Variants in DIAPH3 observed in about 807,000 individuals in gnomAD.
DIAPH3 encodes diaphanous related formin 3, also known as protein diaphanous homolog 3.
DIAPH3 carries 117 observed loss-of-function variants against 144.3 expected under a neutral mutation model. The observed-to-expected ratio is 0.81, with a 90% confidence interval of 0.70 to 0.95. The LOEUF (loss-of-function observed/expected upper bound fraction) is 0.95. Ranked by LOEUF, DIAPH3 falls within the 40% of genes least tolerant of loss-of-function variation. The pLI, the probability that DIAPH3 is intolerant of heterozygous loss-of-function variation, is 0.00. For missense variants in DIAPH3, 1,421 were observed against 1,412.7 expected (o/e 1.01, Z -0.09); for synonymous variants, 519 against 488.9 (o/e 1.06, Z -0.81).
At position 59,949,016 on chromosome 13, in the gene DIAPH3, A is replaced by G. The variant is rs536712833; in HGVS notation, c.2074+20928T>C. 2.0e-5 allele frequency among the ~76,000 whole-genome samples: 3 copies of G among 152,292 alleles called. No individual in the cohort carries two copies. In the East Asian group the frequency reaches 5.8e-4, roughly 29 times the overall value. On this transcript the variant is annotated intron_variant, in intron 17 of 27. Transcript: ENST00000400324. ...AGAAAAGTGCCACAATAAACTGAGC[A>G]GAGATGGTTGATTTTATAGCTAGAG...
intron 4 of DIAPH3, among the ~76,000 whole-genome samples, chr13:60,062,017 C>T (rs1482588650): frequency 6.6e-6 from 1 of 152,070 alleles, no homozygotes; most frequent in African/African-American, 2.4e-5. Flanking sequence ...CTAACCCCCT[C>T]GGCAGGAGAT....
Position 60,118,863 on chromosome 13 carries a change from C to T in DIAPH3, c.214-6677G>A, listed in dbSNP as rs79592419. 3.7e-4 allele frequency among the ~76,000 whole-genome samples: 57 copies of T among 152,312 alleles called. 1 individual carries two copies. The East Asian group carries it at 0.01, about 28-fold the overall frequency. The stretch of plus-strand genomic sequence containing the variant: ...AAAAGGCTGAAATGCCTTCCCTGAC[C>T]ACTTTATCTAAAGTAGCACGTGTAC... On this transcript the variant is annotated intron_variant, in intron 2 of 27. Transcript: ENST00000400324.
chr13:60,057,404 C>A (rs907267376), intron 4 of DIAPH3, among the ~76,000 whole-genome samples: 1 of 151,826 alleles, frequency 6.6e-6, no homozygotes, highest in African/African-American at 2.4e-5. Flanking sequence ...ACAGATGACA[C>A]AAATGGAAAT....
intron 3 of DIAPH3, among the ~76,000 whole-genome samples, chr13:60,095,502 T>C (rs1373045083): frequency 2.0e-5 from 3 of 152,178 alleles, no homozygotes; most frequent in Non-Finnish European, 2.9e-5. Flanking sequence ...TTCTGGGCCA[T>C]TGCCATGGCA....
At chr13:60,054,718 G>A (rs2056490980) in intron 4 of DIAPH3, among the ~76,000 whole-genome samples, 1 of 152,024 alleles carries the variant, frequency 6.6e-6, no homozygotes, top group Admixed American at 6.6e-5. Context: ...TGCCAAGAGG[G>A]TAATTATAAT....
At chr13:60,154,920 C>T (rs1951949975) in intron 1 of DIAPH3, among the ~76,000 whole-genome samples, 2 of 152,134 alleles carry the variant, frequency 1.3e-5, no homozygotes, top group Admixed American at 6.5e-5. Context: ...TAGTGTAATA[C>T]GTAGCAGTTT....
chr13:59,802,632 A>C (rs897313515), intron 25 of DIAPH3, among the ~76,000 whole-genome samples: 6 of 117,292 alleles, frequency 5.1e-5, no homozygotes, highest in African/African-American at 1.9e-4. Context: ...AGAGTCTATG[A>C]CTTATTGATC....
At chr13:59,998,793 C>G (rs2052359813) in intron 9 of DIAPH3, among the ~76,000 whole-genome samples, 1 of 151,898 alleles carries the variant, frequency 6.6e-6, no homozygotes, top group Admixed American at 6.6e-5. Context: ...TCATGCAAAC[C>G]TCAATAAAAG....
intron 23 of DIAPH3, chr13:59,838,953 A>G: frequency 4.9e-6 from 1 of 202,452 alleles, no homozygotes; most frequent in Non-Finnish European, 1.0e-5. Context: ...TACTAAAAAT[A>G]CAAAAAAATT....
chr13:60,132,342 A>T (rs374403137), intron 2 of DIAPH3, among the ~76,000 whole-genome samples: 52 of 152,178 alleles, frequency 3.4e-4, no homozygotes, highest in African/African-American at 1.1e-3. Context: ...ACACACTTAC[A>T]TATTTTTGGT....
chr13:59,728,021 T>C (rs778074420), intron 27 of DIAPH3, among the ~76,000 whole-genome samples: 26 of 150,914 alleles, frequency 1.7e-4, no homozygotes, highest in Middle Eastern at 6.9e-3. Flanking sequence ...GAGTAGTACA[T>C]GGAAACTTAA....
At chr13:60,162,528 A>G (rs561422154) in intron 1 of DIAPH3, among the ~76,000 whole-genome samples, 1 of 152,254 alleles carries the variant, frequency 6.6e-6, no homozygotes, top group South Asian at 2.1e-4. Flanking sequence ...CACTATTCCT[A>G]TGACCATTTT....
chr13:60,120,605 T>G (rs1337561128), intron 2 of DIAPH3, among the ~76,000 whole-genome samples: 3 of 152,266 alleles, frequency 2.0e-5, no homozygotes, highest in African/African-American at 7.2e-5. Flanking sequence ...AAAACAAATT[T>G]ATGCTCTTAA....
intron 1 of DIAPH3, among the ~76,000 whole-genome samples, chr13:60,162,799 TCTCTCTCTCTCA>T (rs997186048): frequency 2.9e-5 from 4 of 137,716 alleles, no homozygotes; most frequent in African/African-American, 5.2e-5. Flanking sequence ...TCTCTCTCTC[TCTCTCTCTCTCA>T]CACACACACA....
At chr13:59,884,871 A>G (rs2045334164) in intron 20 of DIAPH3, among the ~76,000 whole-genome samples, 1 of 152,086 alleles carries the variant, frequency 6.6e-6, no homozygotes, top group Non-Finnish European at 1.5e-5. Flanking sequence ...TACTCTTACG[A>G]TATTAAAGCT....
At chr13:59,754,028 A>G (rs1394670296) in intron 27 of DIAPH3, among the ~76,000 whole-genome samples, 1 of 152,146 alleles carries the variant, frequency 6.6e-6, no homozygotes. Context: ...CTATTCAACC[A>G]ATTTAAATAC....
intron 25 of DIAPH3, among the ~76,000 whole-genome samples, chr13:59,808,284 A>G (rs1039016197): frequency 6.6e-6 from 1 of 151,966 alleles, no homozygotes; most frequent in African/African-American, 2.4e-5. Context: ...GTACAAATCA[A>G]TAAGAAAAAG....
rs1253958653 is a variant in DIAPH3, at chr13:59,970,913, C to A, written c.1898G>T (p.Gly633Val). ...TTTAAATTCTTTCTTTGGTTTCAAC[C>A]CAAATGGCAGGATTGGTAGAGGAGG... ...NSPPLPILPF[G>V]LKPKKEFKPE... Residue 633 changes from glycine (G) to valine (V), a missense_variant, in exon 16 of 28, where the codon GGG (glycine) becomes GTG (valine). By Grantham distance (109) the Gly-to-Val change is moderately radical (BLOSUM62 -3). Coordinates refer to ENST00000400324, the MANE Select transcript of DIAPH3 (RefSeq NM_001042517.2). The A allele has an allele frequency of 6.2e-7, 1 of 1,613,740 alleles. No individual in the cohort carries two copies.
At chr13:59,996,671 G>C (rs2052211928) in intron 9 of DIAPH3, among the ~76,000 whole-genome samples, 1 of 151,954 alleles carries the variant, frequency 6.6e-6, no homozygotes, top group African/African-American at 2.4e-5. Flanking sequence ...GGAAGGTAAA[G>C]ACATAACAGG....
Sources: gnomAD v4.1 joint callset for allele counts (sites outside exome capture counted in the v4.1 genomes callset) on GRCh38, gnomAD v4.1.1 for gene constraint, MANE v1.5 for transcripts, NCBI Gene and HGNC (gene_info 2026-07-23, HGNC 2026-07-21) for gene names.